Variants in PCDHGA7 observed in about 807,000 individuals in gnomAD.
The protein encoded by PCDHGA7 is protocadherin gamma subfamily A, 7.
A neutral mutation model predicts 58.3 loss-of-function variants in PCDHGA7; 44 were observed. The observed-to-expected ratio is 0.75, with a 90% CI of 0.59 to 0.97. PCDHGA7 has a LOEUF of 0.97. Among genes scored for constraint, PCDHGA7 ranks in the 50% least tolerant of loss-of-function variants. The pLI is 0.00. For missense variants in PCDHGA7, 1,266 were observed against 1,188.7 expected, an observed-to-expected ratio of 1.06 and a Z score of -0.96; for synonymous variants, 516 against 504.2, an observed-to-expected ratio of 1.02 and a Z score of -0.31.
intron 1 of PCDHGA7, chr5:141,423,750 TGGGG>T: frequency 7.0e-5 from 20 of 287,406 alleles, no homozygotes; most frequent in Non-Finnish European, 9.0e-5. Context: ...GAAAACTGTT[TGGGG>T]GGGGGGTGGG....
At chr5:141,409,290 G>A in intron 1 of PCDHGA7, 1 of 1,613,974 alleles carries the variant, frequency 6.2e-7, no homozygotes. Context: ...TCACCTCCAG[G>A]AATGGTTGTT....
chr5:141,409,409 A>C, intron 1 of PCDHGA7: 4 of 1,614,046 alleles, frequency 2.5e-6, no homozygotes, highest in Non-Finnish European at 3.4e-6. Flanking sequence ...TAACTACTAC[A>C]AACTGGTGAC....
chr5:141,400,387 C>T, intron 1 of PCDHGA7: 2 of 1,614,068 alleles, frequency 1.2e-6, no homozygotes, highest in Non-Finnish European at 1.7e-6. Context: ...ATGTGTTGCA[C>T]ATACAGGAAA....
rs756915110 is a variant in PCDHGA7, at chr5:141,490,431, T to C, written c.2425-4376T>C. 6 of 1,614,036 alleles carry C rather than the reference T, an allele frequency of 3.7e-6. No individual in the cohort carries two copies. In the South Asian group the frequency reaches 6.6e-5, roughly 18 times the overall value. ...TCTCTCCGGACCTGCCATTTCAGATTAAGCCTTCTGAGAACCACTACTCGC... is the reference window on the plus strand; with the variant it reads ...TCTCTCCGGACCTGCCATTTCAGATCAAGCCTTCTGAGAACCACTACTCGC... On this transcript the variant is annotated intron_variant, in intron 1 of 3. Transcript: ENST00000518325. The surrounding 1 kb of genome is among the most constrained non-coding windows in gnomAD (Gnocchi z 5.4).
In PCDHGA7 at chr5:141,384,753, G is replaced by A; in HGVS notation, c.1854G>A (p.Ala618=). The change falls in exon 1 of 4, where the codon GCG becomes GCA. Residue 618 remains alanine (A), a synonymous_variant. Transcript: ENST00000518325. ...AGGCCAGCGAGCCAGGACTCTTTGCGGTTGGGCTGTACACGGGCGAGGTGC... is the reference window on the plus strand; with the variant it reads ...AGGCCAGCGAGCCAGGACTCTTTGCAGTTGGGCTGTACACGGGCGAGGTGC... ...LLKASEPGLF[A]VGLYTGEVRT... 1.2e-6 allele frequency: 2 copies of A among 1,614,010 alleles called. No homozygotes were observed. The highest frequency in any genetic ancestry group is 1.7e-6 in the Non-Finnish European group (2 of 1,180,034).
chr5:141,490,597 C>T lies in PCDHGA7; in HGVS notation c.2425-4210C>T, dbSNP rs781077720. Reference sequence around the variant, plus strand: ...TTCAGATGTCAATGACAATGCACCCCGCTTCAACCAGCAGCTTTACACTGC... The same window carrying T: ...TTCAGATGTCAATGACAATGCACCCTGCTTCAACCAGCAGCTTTACACTGC... On this transcript the variant is annotated intron_variant, in intron 1 of 3. Coordinates refer to ENST00000518325, the MANE Select transcript of PCDHGA7 (RefSeq NM_018920.4). The surrounding 1 kb of genome is among the most constrained non-coding windows in gnomAD (Gnocchi z 5.4). The T allele has an allele frequency of 1.2e-5, 20 of 1,614,182 alleles. No homozygotes were observed. The highest frequency in any genetic ancestry group is 3.3e-5 in the Admixed American group (2 of 60,026).
chr5:141,469,213 G>A (rs866405809), intron 1 of PCDHGA7, among the ~76,000 whole-genome samples: 21 of 150,912 alleles, frequency 1.4e-4, no homozygotes, highest in African/African-American at 5.1e-4. Flanking sequence ...TGAAGTTGAG[G>A]CTTCAGTGAG....
At chr5:141,482,901 A>G (rs192886570) in intron 1 of PCDHGA7, among the ~76,000 whole-genome samples, 1 of 152,122 alleles carries the variant, frequency 6.6e-6, no homozygotes, top group Admixed American at 6.6e-5. Context: ...GTGAAACCTC[A>G]TCTCTATTAA....
intron 1 of PCDHGA7, among the ~76,000 whole-genome samples, chr5:141,464,402 G>T (rs900750443): frequency 6.6e-6 from 1 of 150,722 alleles, no homozygotes; most frequent in African/African-American, 2.4e-5. Context: ...AAGAACCTGA[G>T]ATATATATAT....
Position 141,413,696 on chromosome 5 carries a change from A to G in PCDHGA7, c.2424+28373A>G, listed in dbSNP as rs753150251. On this transcript the variant is annotated intron_variant, in intron 1 of 3. Coordinates refer to ENST00000518325, the MANE Select transcript of PCDHGA7 (RefSeq NM_018920.4). ...GTGGGCGTGAACTCCCTGCAGAGCTATCAGCTCAGCCCCAATAAGCACTTC... is the reference window on the plus strand; with the variant it reads ...GTGGGCGTGAACTCCCTGCAGAGCTGTCAGCTCAGCCCCAATAAGCACTTC... 3.1e-6 allele frequency: 5 copies of G among 1,613,522 alleles called. No homozygotes were observed. In the Admixed American group the frequency reaches 6.7e-5, roughly 22 times the overall value.
rs930862898 is a variant in PCDHGA7 at position 141,480,073 on chromosome 5, C to A, written c.2425-14734C>A. ...GGAATAATAAGTGTTTTATAAGATT[C>A]ATGCATGATATAATGTATGCAAAGT... On this transcript the variant is annotated intron_variant, in intron 1 of 3. Coordinates refer to ENST00000518325, the MANE Select transcript of PCDHGA7 (RefSeq NM_018920.4). Among the ~76,000 whole-genome samples, 5 of 152,174 alleles carry A rather than the reference C, an allele frequency of 3.3e-5. No homozygotes were observed. In the South Asian group the frequency reaches 8.3e-4, roughly 25 times the overall value.
chr5:141,387,653 A>C (rs981670504), intron 1 of PCDHGA7: 11 of 639,608 alleles, frequency 1.7e-5, no homozygotes, highest in Non-Finnish European at 2.9e-5. Context: ...CAAAGTGGAG[A>C]GCTTGGCGCT....
chr5:141,483,456 G>T (rs2099581503), intron 1 of PCDHGA7, among the ~76,000 whole-genome samples: 1 of 152,180 alleles, frequency 6.6e-6, no homozygotes, highest in Admixed American at 6.5e-5. Context: ...ATCAGGACTT[G>T]TTGATTGACA....
intron 1 of PCDHGA7, among the ~76,000 whole-genome samples, chr5:141,494,157 G>A (rs929922206): frequency 5.9e-5 from 9 of 152,312 alleles, no homozygotes; most frequent in African/African-American, 1.7e-4. Context: ...TGTCTGGCAC[G>A]GAGTTCTAGG....
rs1353509218 is a variant in PCDHGA7, at chr5:141,512,908, TTTATACTC to T, written c.*1737_*1744del. ...CCCTCTTCCTGTGTCTCACGCAAGTTTTATACTCTAATATTTATATGGCTTTTTTTCTT... is the reference window on the plus strand; with the variant it reads ...CCCTCTTCCTGTGTCTCACGCAAGTTTAATATTTATATGGCTTTTTTTCTT... On this transcript the variant is annotated 3_prime_UTR_variant, in exon 4 of 4. Transcript: ENST00000518325. 6.6e-6 allele frequency: 1 copy of T among 152,268 alleles called. No individual in the cohort carries two copies. Among genetic ancestry groups the T allele is most frequent in the Non-Finnish European group, 1.5e-5 (1 of 68,054 alleles). 9.4% of individuals were successfully genotyped at this position (152,268 alleles called of 1,614,324 possible).
chr5:141,455,255 C>T (rs1049752169), intron 1 of PCDHGA7, among the ~76,000 whole-genome samples: 16 of 152,146 alleles, frequency 1.1e-4, no homozygotes, highest in African/African-American at 3.9e-4. Flanking sequence ...AGTACAATCG[C>T]ATTTCTTCCC....
At chr5:141,442,674 A>G (rs2098335634) in intron 1 of PCDHGA7, among the ~76,000 whole-genome samples, 1 of 152,272 alleles carries the variant, frequency 6.6e-6, no homozygotes, top group Non-Finnish European at 1.5e-5. Context: ...GGTGAGCTTG[A>G]GGGACAGTAG....
intron 2 of PCDHGA7, among the ~76,000 whole-genome samples, chr5:141,498,338 G>T (rs2237079): frequency 2.6e-5 from 4 of 151,600 alleles, no homozygotes; most frequent in Non-Finnish European, 5.9e-5. Flanking sequence ...CATTCCAAAT[G>T]GGAAAAGCCT....
intron 2 of PCDHGA7, among the ~76,000 whole-genome samples, chr5:141,496,582 G>C (rs991035985): frequency 6.6e-6 from 1 of 152,100 alleles, no homozygotes; most frequent in Non-Finnish European, 1.5e-5. Flanking sequence ...TTTTAGGAAC[G>C]CAAAGCGCTT....
Sources: allele counts gnomAD v4.1 joint callset (sites outside exome capture counted in the v4.1 genomes callset), GRCh38; gene constraint gnomAD v4.1.1; non-coding constraint Gnocchi (gnomAD v3.1); transcripts MANE v1.5; gene names NCBI Gene and HGNC (gene_info 2026-07-23, HGNC 2026-07-21).